Variants in RUNX1 observed in about 807,000 individuals in gnomAD.
RUNX1 encodes RUNX family transcription factor 1.
Under a neutral mutation model 42.8 loss-of-function variants are expected in RUNX1, and 19 were observed. The observed-to-expected ratio is 0.44, with a 90% CI of 0.31 to 0.65. The LOEUF is 0.65. RUNX1 is among the 30% of genes least tolerant of loss of function. The pLI is 0.07. For missense variants in RUNX1, 528 were observed against 672.0 expected (o/e 0.79, Z 2.37); for synonymous variants, 271 against 289.4 (o/e 0.94, Z 0.64).
chr21:35,001,308 T>TATATATATA (rs2059041053), intron 2 of RUNX1, among the ~76,000 whole-genome samples: 1 of 142,442 alleles, frequency 7.0e-6, no homozygotes, highest in African/African-American at 2.6e-5. Context: ...AGTTATGGTT[T>TATATATATA]TATATATATA....
chr21:34,864,607 T>C (rs1050528509), intron 5 of RUNX1, among the ~76,000 whole-genome samples: 2 of 152,166 alleles, frequency 1.3e-5, no homozygotes, highest in African/African-American at 4.8e-5. Context: ...CAGCTCTTGG[T>C]TCCAGAGGGG....
chr21:35,003,488 A>G (rs1193358732), intron 2 of RUNX1, among the ~76,000 whole-genome samples: 1 of 152,042 alleles, frequency 6.6e-6, no homozygotes, highest in Non-Finnish European at 1.5e-5. Flanking sequence ...TACTTTGATG[A>G]TAATGAGTGA....
At chr21:34,962,727 G>A (rs1427922964) in intron 2 of RUNX1, among the ~76,000 whole-genome samples, 2 of 152,192 alleles carry the variant, frequency 1.3e-5, no homozygotes, top group Admixed American at 1.3e-4. Context: ...ACGCATTCGC[G>A]TTGCAATCAT....
Position 34,887,067 on chromosome 21 carries a change from G to A in RUNX1, c.127C>T (p.Pro43Ser), listed in dbSNP as rs1555899881. 1.2e-5 allele frequency: 19 copies of A among 1,599,188 alleles called. No individual in the cohort carries two copies. The highest frequency in any genetic ancestry group is 1.4e-5 in the Non-Finnish European group (17 of 1,179,884). ...DASTSRRFTPPSTALSPGKMS... is the reference protein window; with the variant it reads ...DASTSRRFTPSSTALSPGKMS... ...TTGCCTGGGCTCAGCGCGGTGGAAG[G>A]CGGCGTGAAGCGGCGGCTCGTGCTG... The change falls in exon 4 of 9, where the codon CCT becomes TCT. Residue 43 changes from proline to serine, a missense_variant. Pro to Ser is a moderately conservative substitution (Grantham distance 74, BLOSUM62 -1). This residue lies in a region of RUNX1 where 114 missense variants were observed against 115.0 expected (regional missense o/e 0.99). Transcript: ENST00000675419.
intron 2 of RUNX1, among the ~76,000 whole-genome samples, chr21:34,934,261 T>A (rs2058469375): frequency 6.6e-6 from 1 of 152,150 alleles, no homozygotes; most frequent in African/African-American, 2.4e-5. Context: ...TGAGTCAAGT[T>A]TTTTTTTAAT....
intron 2 of RUNX1, among the ~76,000 whole-genome samples, chr21:35,008,351 T>C (rs2059100928): frequency 6.6e-6 from 1 of 152,242 alleles, no homozygotes; most frequent in African/African-American, 2.4e-5. Flanking sequence ...CTTCACATTC[T>C]GATCCTCCCT....
chr21:34,964,380 C>T (rs1011916233), intron 2 of RUNX1, among the ~76,000 whole-genome samples: 1 of 151,168 alleles, frequency 6.6e-6, no homozygotes, highest in Non-Finnish European at 1.5e-5. Context: ...CCCAGCTACT[C>T]GGGAGGCTGA....
intron 2 of RUNX1, among the ~76,000 whole-genome samples, chr21:35,037,576 CG>C (rs1449456672): frequency 1.3e-5 from 2 of 152,198 alleles, no homozygotes; most frequent in Admixed American, 6.5e-5. Flanking sequence ...GTCCCCTCCA[CG>C]GGCAGACAGA....
chr21:34,973,678 T>C (rs899453100), intron 2 of RUNX1, among the ~76,000 whole-genome samples: 2 of 152,216 alleles, frequency 1.3e-5, no homozygotes, highest in Admixed American at 6.5e-5. Flanking sequence ...CTCCATGTCA[T>C]AGAAAACTCA....
chr21:35,001,649 G>C (rs2059045209), intron 2 of RUNX1, among the ~76,000 whole-genome samples: 1 of 152,050 alleles, frequency 6.6e-6, no homozygotes, highest in South Asian at 2.1e-4. Context: ...TCTAGCCGGA[G>C]CAATTAAGAA....
At chr21:34,847,852 G>A (rs943592550) in intron 6 of RUNX1, among the ~76,000 whole-genome samples, 2 of 152,176 alleles carry the variant, frequency 1.3e-5, no homozygotes, top group African/African-American at 4.8e-5. Context: ...TTAATAATAG[G>A]TAGTATGGAA....
intron 5 of RUNX1, among the ~76,000 whole-genome samples, chr21:34,863,543 T>C (rs2057607470): frequency 6.7e-6 from 1 of 149,084 alleles, no homozygotes; most frequent in Non-Finnish European, 1.5e-5. Context: ...CATTATTTCA[T>C]GCCCATCTTT....
intron 3 of RUNX1, chr21:34,888,707 A>C: frequency 7.7e-6 from 8 of 1,032,358 alleles, no homozygotes; most frequent in Non-Finnish European, 9.3e-6. Context: ...AGTGCCTGGA[A>C]ATGAACGTGC....
At chr21:34,999,893 C>T (rs1020232150) in intron 2 of RUNX1, among the ~76,000 whole-genome samples, 1 of 152,186 alleles carries the variant, frequency 6.6e-6, no homozygotes, top group Non-Finnish European at 1.5e-5. Flanking sequence ...TAGATTAAAG[C>T]TAAGTGAAAT....
intron 5 of RUNX1, among the ~76,000 whole-genome samples, chr21:34,866,219 T>C (rs1222566487): frequency 6.6e-6 from 1 of 152,138 alleles, no homozygotes; most frequent in Non-Finnish European, 1.5e-5. Context: ...GGAAACACAA[T>C]CGCAACATTT....
At chr21:35,025,738 G>C (rs1569155819) in intron 2 of RUNX1, among the ~76,000 whole-genome samples, 2 of 152,164 alleles carry the variant, frequency 1.3e-5, no homozygotes, top group Non-Finnish European at 2.9e-5. Context: ...TGGGAAGACA[G>C]CCTCTCAGAT....
chr21:34,859,696 C>T, intron 5 of RUNX1, 118 bp from the exon 6 acceptor site: 1 of 886,388 alleles, frequency 1.1e-6, no homozygotes, highest in Admixed American at 1.8e-5. Context: ...CCAGTTTTGA[C>T]AACACTCCCG....
intron 2 of RUNX1, among the ~76,000 whole-genome samples, chr21:35,030,187 C>T (rs993134974): frequency 4.6e-5 from 7 of 152,096 alleles, no homozygotes; most frequent in South Asian, 4.2e-4. Context: ...ACTAAAAATA[C>T]AAAAAATTAG....
chr21:34,944,527 T>C lies in RUNX1; in HGVS notation c.59-51564A>G, dbSNP rs11909587. Among the ~76,000 whole-genome samples the C allele has an allele frequency of 8.0e-3, 1,214 of 152,328 alleles. 15 individuals are homozygous for C. The highest frequency in any genetic ancestry group is 0.023 in the African/African-American group (957 of 41,568). On this transcript the variant is annotated intron_variant, in intron 2 of 8. Coordinates refer to ENST00000675419, the MANE Select transcript of RUNX1 (RefSeq NM_001754.5). ...CACTGAAATATGTGGTTAAATATTGTATTGCTTTGGGTGGTTGGCCTCATG... is the reference window on the plus strand; with the variant it reads ...CACTGAAATATGTGGTTAAATATTGCATTGCTTTGGGTGGTTGGCCTCATG...
Sources: gnomAD v4.1 joint callset for allele counts (sites outside exome capture counted in the v4.1 genomes callset) on GRCh38, gnomAD v4.1.1 for gene constraint, gnomAD v4.1.1 regional missense constraint, MANE v1.5 for transcripts, NCBI Gene and HGNC (gene_info 2026-07-23, HGNC 2026-07-21) for gene names.